Variants in TNS3 observed in about 807,000 individuals in gnomAD.
The protein encoded by TNS3 is tensin 3.
TNS3 carries 45 observed loss-of-function variants against 140.9 expected under a neutral mutation model. That is an observed-to-expected ratio of 0.32 (90% CI 0.25 to 0.41). The LOEUF is 0.41. Among genes scored for constraint, TNS3 ranks in the 10% least tolerant of loss-of-function variants. The pLI is 1.00. For synonymous variants in TNS3, 815 were observed against 788.4 expected, an observed-to-expected ratio of 1.03 and a Z score of -0.56; for missense variants, 1,716 against 1,906.7, an observed-to-expected ratio of 0.90 and a Z score of 1.86.
At chr7:47,542,552 A>C (rs1235757223) in intron 1 of TNS3, among the ~76,000 whole-genome samples, 1 of 152,142 alleles carries the variant, frequency 6.6e-6, no homozygotes, top group African/African-American at 2.4e-5. Flanking sequence ...GTCGACACGA[A>C]ATCTGACATG....
chr7:47,345,166 A>G (rs1192370692), intron 18 of TNS3, 128 bp from the exon 19 acceptor site: 1 of 694,928 alleles, frequency 1.4e-6, no homozygotes, highest in Non-Finnish European at 2.5e-6. Flanking sequence ...TAGGACAAGG[A>G]GGCTGAGGTC....
At chr7:47,479,020 C>T (rs927783570) in intron 4 of TNS3, among the ~76,000 whole-genome samples, 1 of 152,150 alleles carries the variant, frequency 6.6e-6, no homozygotes, top group Non-Finnish European at 1.5e-5. Context: ...TCTTAGCAAC[C>T]ACACCTGTGA....
intron 1 of TNS3, among the ~76,000 whole-genome samples, chr7:47,577,047 C>T (rs1027623896): frequency 6.6e-6 from 1 of 152,180 alleles, no homozygotes; most frequent in Non-Finnish European, 1.5e-5. Context: ...ACAAGAGGTG[C>T]CACGTCACAC....
At chr7:47,517,754 G>A (rs1180424846) in intron 2 of TNS3, among the ~76,000 whole-genome samples, 1 of 152,158 alleles carries the variant, frequency 6.6e-6, no homozygotes, top group Non-Finnish European at 1.5e-5. Context: ...GATGACCTGA[G>A]GTACAGGAAA....
intron 1 of TNS3, among the ~76,000 whole-genome samples, chr7:47,537,539 G>A (rs1799647422): frequency 6.6e-6 from 1 of 152,104 alleles, no homozygotes; most frequent in Non-Finnish European, 1.5e-5. Context: ...CATCTGATTG[G>A]AATTACCGAC....
chr7:47,462,440 G>A (rs903270439), intron 4 of TNS3, among the ~76,000 whole-genome samples: 3 of 152,172 alleles, frequency 2.0e-5, no homozygotes, highest in African/African-American at 2.4e-5. Context: ...TGATCAGTTC[G>A]TGAAAACACT....
At chr7:47,346,499 G>T in intron 17 of TNS3, 143 bp from the exon 18 acceptor site, 1 of 979,276 alleles carries the variant, frequency 1.0e-6, no homozygotes, top group Non-Finnish European at 1.5e-6. Flanking sequence ...TGCTGTGGTT[G>T]CTGAAGGCAG....
At chr7:47,495,785 A>T (rs1797984133) in intron 3 of TNS3, among the ~76,000 whole-genome samples, 1 of 152,230 alleles carries the variant, frequency 6.6e-6, no homozygotes, top group Non-Finnish European at 1.5e-5. Flanking sequence ...TAGAAATTTT[A>T]AAAAGATGCA....
At chr7:47,544,097 G>A (rs1169671603) in intron 1 of TNS3, among the ~76,000 whole-genome samples, 1 of 152,190 alleles carries the variant, frequency 6.6e-6, no homozygotes, top group Admixed American at 6.5e-5. Flanking sequence ...GTGCACAGGA[G>A]AGCAAAAGAA....
intron 1 of TNS3, among the ~76,000 whole-genome samples, chr7:47,559,584 G>T (rs1044604861): frequency 2.0e-4 from 30 of 152,082 alleles, no homozygotes; most frequent in Admixed American, 1.3e-4. Flanking sequence ...AGGCAGGGAT[G>T]GGGGCTGGAA....
At chr7:47,497,698 G>C (rs905803931) in intron 3 of TNS3, among the ~76,000 whole-genome samples, 56 of 5,408 alleles carry the variant, frequency 0.01, no homozygotes, top group East Asian at 0.058. Flanking sequence ...CACACACACA[G>C]AGCAGGAAAT....
chr7:47,557,657 A>G (rs667754), intron 1 of TNS3, among the ~76,000 whole-genome samples: 151,433 of 152,324 alleles, frequency 0.99, 75,280 homozygotes, highest in East Asian at 1. Flanking sequence ...TTTAAGTGCC[A>G]ACTGACTTCT....
intron 17 of TNS3, among the ~76,000 whole-genome samples, chr7:47,361,037 C>A: frequency 6.6e-6 from 1 of 151,706 alleles, no homozygotes. Flanking sequence ...GCTTACTTCC[C>A]TCCCTCCCTC....
At chr7:47,481,978 G>A (rs544939955) in intron 3 of TNS3, among the ~76,000 whole-genome samples, 11 of 152,332 alleles carry the variant, frequency 7.2e-5, no homozygotes, top group South Asian at 2.1e-4. Flanking sequence ...GAGATGGCGC[G>A]TGAGGAGCTC....
intron 13 of TNS3, among the ~76,000 whole-genome samples, chr7:47,402,204 C>A (rs1255365950): frequency 6.6e-6 from 1 of 152,102 alleles, no homozygotes; most frequent in Non-Finnish European, 1.5e-5. Context: ...TACCTTTGTG[C>A]TATCTACAAG....
intron 3 of TNS3, among the ~76,000 whole-genome samples, chr7:47,486,341 CAT>C (rs750227347): frequency 6.6e-5 from 10 of 151,782 alleles, no homozygotes; most frequent in South Asian, 2.1e-4. Context: ...GCCTATGCCT[CAT>C]GTGTGTGTAT....
chr7:47,460,203 A>T (rs1393247341), intron 4 of TNS3, among the ~76,000 whole-genome samples: 2 of 139,992 alleles, frequency 1.4e-5, no homozygotes, highest in Non-Finnish European at 3.1e-5. Flanking sequence ...ACAGAGCAAG[A>T]CTCTGTCCCA....
chr7:47,497,605 CAA>C (rs935377627), intron 3 of TNS3, among the ~76,000 whole-genome samples: 1 of 151,400 alleles, frequency 6.6e-6, no homozygotes, highest in African/African-American at 2.4e-5. Flanking sequence ...TCTGTTCTCC[CAA>C]AGAGGCCAGG....
rs545647797 is a variant in TNS3 at position 47,303,604 on chromosome 7, A to G, written c.2823-20T>C. 8 of 1,567,476 alleles carry G rather than the reference A, an allele frequency of 5.1e-6. No homozygotes were observed. In the South Asian group the frequency reaches 9.2e-5, roughly 18 times the overall value. ...GAGGAGCTGTTCAAAAGACAAGCCG[A>G]CCAAGACAGCATGTAAGGTACAAAG... On this transcript the variant is annotated intron_variant, in intron 21 of 30. Transcript: ENST00000311160.
Sources: gnomAD v4.1 joint callset for allele counts (sites outside exome capture counted in the v4.1 genomes callset) on GRCh38, gnomAD v4.1.1 for gene constraint, MANE v1.5 for transcripts, NCBI Gene and HGNC (gene_info 2026-07-23, HGNC 2026-07-21) for gene names.